Variants in TSHZ1 observed in about 807,000 individuals in gnomAD.
TSHZ1 encodes teashirt homolog 1.
Under a neutral mutation model 67.1 loss-of-function variants are expected in TSHZ1, and 12 were observed. The ratio of observed to expected loss-of-function variants is 0.18; its 90% confidence interval spans 0.11 to 0.29. The LOEUF (loss-of-function observed/expected upper bound fraction) is 0.29. Ranked by LOEUF, TSHZ1 falls within the 10% of genes least tolerant of loss-of-function variation. TSHZ1 has a pLI of 1.00. For missense variants in TSHZ1, 1,305 were observed against 1,413.9 expected (o/e 0.92, Z 1.23); for synonymous variants, 632 against 622.4 (o/e 1.02, Z -0.23).
chr18:75,259,062 T>C (rs1490225239), intron 1 of TSHZ1, among the ~76,000 whole-genome samples: 3 of 152,252 alleles, frequency 2.0e-5, no homozygotes, highest in Admixed American at 2.0e-4. Flanking sequence ...GCCGCCTGTT[T>C]CTGTTTTCCT....
chr18:75,287,489 C>T lies in TSHZ1; in HGVS notation c.2082C>T (p.Gly694=). The change falls in exon 2 of 2, where the codon GGC becomes GGT. Residue 694 remains glycine, a synonymous_variant. Transcript: ENST00000580243. The surrounding 1 kb of genome is among the most constrained non-coding windows in gnomAD (Gnocchi z 5.0). ...TCAGCGGCAAACCACAGAAGAAGGGCCCTGAGGCCGAGACTGGGAAGGCCA... is the reference window on the plus strand; with the variant it reads ...TCAGCGGCAAACCACAGAAGAAGGGTCCTGAGGCCGAGACTGGGAAGGCCA... ...EEVSGKPQKK[G]PEAETGKAKK... is the part of the protein sequence containing the mutation. 1 of 1,614,192 alleles carries T rather than the reference C, an allele frequency of 6.2e-7. No individual in the cohort carries two copies. Among genetic ancestry groups the T allele is most frequent in the Non-Finnish European group, 8.5e-7 (1 of 1,180,038 alleles).
chr18:75,218,720 G>C lies in TSHZ1; in HGVS notation c.40+6804G>C, dbSNP rs938581585. On this transcript the variant is annotated intron_variant, in intron 1 of 1. Transcript: ENST00000580243. ...TCTTATTGTTTTCTTGGTTCCTCTC[G>C]GAAAAGCCTATAAAAAGTAAATGGT... Among the ~76,000 whole-genome samples the C allele has an allele frequency of 3.9e-5, 6 of 152,282 alleles. No individual in the cohort carries two copies. The South Asian group carries it at 1.2e-3, about 32-fold the overall frequency.
At chr18:75,228,324 G>A (rs1235297353) in intron 1 of TSHZ1, among the ~76,000 whole-genome samples, 5 of 152,204 alleles carry the variant, frequency 3.3e-5, no homozygotes, top group African/African-American at 1.2e-4. Flanking sequence ...ACAGACTCTG[G>A]CCATAGACAT....
In TSHZ1 at chr18:75,287,820, A is replaced by G; in HGVS notation, c.2413A>G (p.Asn805Asp). The G allele has an allele frequency of 6.2e-7, 1 of 1,614,106 alleles. No individual in the cohort carries two copies. Among genetic ancestry groups the G allele is most frequent in the Non-Finnish European group, 8.5e-7 (1 of 1,180,036 alleles). The change falls in exon 2 of 2, where the codon AAC becomes GAC. Residue 805 changes from asparagine (N) to aspartate (D), a missense_variant. By Grantham distance (23) the Asn-to-Asp change is conservative. Coordinates refer to ENST00000580243, the MANE Select transcript of TSHZ1 (RefSeq NM_001308210.2). The surrounding 1 kb of genome is among the most constrained non-coding windows in gnomAD (Gnocchi z 5.0). ...ADAIDRYYYE[N>D]SDQPIDLTKS... ...TGCCATCGACCGCTACTATTATGAAAACAGCGACCAGCCCATTGACTTAAC... is the reference window on the plus strand; with the variant it reads ...TGCCATCGACCGCTACTATTATGAAGACAGCGACCAGCCCATTGACTTAAC...
At chr18:75,277,218 AGT>A (rs1157458747) in intron 1 of TSHZ1, among the ~76,000 whole-genome samples, 1 of 152,232 alleles carries the variant, frequency 6.6e-6, no homozygotes, top group Non-Finnish European at 1.5e-5. Flanking sequence ...GCTCAGCTTC[AGT>A]CTTAACTGAA....
At chr18:75,241,241 G>A (rs541342657) in intron 1 of TSHZ1, among the ~76,000 whole-genome samples, 7 of 152,314 alleles carry the variant, frequency 4.6e-5, no homozygotes, top group African/African-American at 1.7e-4. Flanking sequence ...TCCAGAGTCC[G>A]GAGTGGGCTG....
intron 1 of TSHZ1, among the ~76,000 whole-genome samples, chr18:75,277,385 G>A (rs1568366876): frequency 6.6e-6 from 1 of 152,228 alleles, no homozygotes; most frequent in African/African-American, 2.4e-5. Flanking sequence ...AGTCTGTGGG[G>A]TGTGAGGAGG....
At chr18:75,273,484 GA>G (rs1214078646) in intron 1 of TSHZ1, among the ~76,000 whole-genome samples, 19 of 152,162 alleles carry the variant, frequency 1.2e-4, no homozygotes, top group Admixed American at 2.6e-4. Context: ...TTTCTTTAAA[GA>G]AACAAAGATG....
chr18:75,252,270 G>A (rs2023314518), intron 1 of TSHZ1, among the ~76,000 whole-genome samples: 2 of 152,180 alleles, frequency 1.3e-5, no homozygotes, highest in African/African-American at 4.8e-5. Flanking sequence ...CTTGGCCATA[G>A]TCTCATCATT....
intron 1 of TSHZ1, among the ~76,000 whole-genome samples, chr18:75,219,649 G>C (rs2022819796): frequency 6.6e-6 from 1 of 152,146 alleles, no homozygotes; most frequent in African/African-American, 2.4e-5. Context: ...TCTTTCTTTA[G>C]ACTTTTTGGG....
intron 1 of TSHZ1, among the ~76,000 whole-genome samples, chr18:75,257,347 G>A (rs1367073541): frequency 2.0e-5 from 3 of 152,258 alleles, no homozygotes; most frequent in East Asian, 3.9e-4. Context: ...TGTAAGCCAT[G>A]CCTCTTCTCA....
intron 1 of TSHZ1, among the ~76,000 whole-genome samples, chr18:75,239,971 G>T (rs150637732): frequency 0.014 from 2,077 of 152,284 alleles, 19 homozygotes; most frequent in South Asian, 0.022. Context: ...TGTGTGGCAG[G>T]GTTGTGGTCA....
chr18:75,252,236 T>C lies in TSHZ1; in HGVS notation c.41-33212T>C, dbSNP rs190471310. Among the ~76,000 whole-genome samples the C allele has an allele frequency of 2.0e-3, 312 of 152,370 alleles. 1 individual carries two copies. The highest frequency in any genetic ancestry group is 6.7e-3 in the African/African-American group (280 of 41,586). ...CACTTTCATATTATAAACAGCTGTGTAATTAATATCTTTGTATGTATATCT... is the reference window on the plus strand; with the variant it reads ...CACTTTCATATTATAAACAGCTGTGCAATTAATATCTTTGTATGTATATCT... On this transcript the variant is annotated intron_variant, in intron 1 of 1. Transcript: ENST00000580243.
chr18:75,239,853 G>T (rs895796361), intron 1 of TSHZ1, among the ~76,000 whole-genome samples: 2 of 152,196 alleles, frequency 1.3e-5, no homozygotes, highest in Admixed American at 6.5e-5. Context: ...TATGTTGGAA[G>T]CAGAGAACTC....
chr18:75,225,798 A>T (rs1015424429), intron 1 of TSHZ1, among the ~76,000 whole-genome samples: 1 of 152,172 alleles, frequency 6.6e-6, no homozygotes, highest in Non-Finnish European at 1.5e-5. Flanking sequence ...CCTCAAAGCC[A>T]TACATTTTTT....
chr18:75,245,565 G>A (rs1238590753), intron 1 of TSHZ1, among the ~76,000 whole-genome samples: 3 of 152,216 alleles, frequency 2.0e-5, no homozygotes, highest in Non-Finnish European at 4.4e-5. Context: ...CTGTCTCCTT[G>A]CAATCACCGC....
At chr18:75,238,448 C>T (rs1307245370) in intron 1 of TSHZ1, among the ~76,000 whole-genome samples, 2 of 152,088 alleles carry the variant, frequency 1.3e-5, no homozygotes, top group Non-Finnish European at 2.9e-5. Context: ...TCACAGTGAT[C>T]TGGGAAAAGC....
At chr18:75,264,484 ATTT>A (rs60144564) in intron 1 of TSHZ1, among the ~76,000 whole-genome samples, 69 of 146,470 alleles carry the variant, frequency 4.7e-4, no homozygotes, top group African/African-American at 1.6e-3. Flanking sequence ...ACACTGACAG[ATTT>A]TTTTTTTTTT....
At chr18:75,249,268 A>G (rs1435057587) in intron 1 of TSHZ1, among the ~76,000 whole-genome samples, 1 of 152,122 alleles carries the variant, frequency 6.6e-6, no homozygotes, top group Non-Finnish European at 1.5e-5. Context: ...ACGGGTTGAG[A>G]GCCCTGGGTG....
Sources: allele counts gnomAD v4.1 joint callset (sites outside exome capture counted in the v4.1 genomes callset), GRCh38; gene constraint gnomAD v4.1.1; non-coding constraint Gnocchi (gnomAD v3.1); transcripts MANE v1.5; gene names NCBI Gene and HGNC (gene_info 2026-07-23, HGNC 2026-07-21).